Variants in AQP5 observed in about 807,000 individuals in gnomAD.
The protein encoded by AQP5 is aquaporin-5.
Under a neutral mutation model 19.1 loss-of-function variants are expected in AQP5, and 15 were observed. That is an observed-to-expected ratio of 0.79 (90% CI 0.53 to 1.21). AQP5 has a LOEUF of 1.21. AQP5 is among the 50% of genes most tolerant of loss of function. The probability of loss-of-function intolerance (pLI) is 0.00; values close to 1 mark genes in which losing one functional copy is unlikely to be tolerated. For synonymous variants in AQP5, 182 were observed against 160.3 expected (o/e 1.14, Z -1.02); for missense variants, 355 against 357.1 (o/e 0.99, Z 0.05).
At position 49,962,079 on chromosome 12, in the gene AQP5, C is replaced by A; in HGVS notation, c.62C>A (p.Thr21Asn). ...LKAVFAEFLATLIFVFFGLGS... is the reference protein window; with the variant it reads ...LKAVFAEFLANLIFVFFGLGS... ...GCCGTGTTCGCAGAGTTCTTGGCCA[C>A]CCTCATCTTCGTCTTCTTTGGCCTG... The change falls in exon 1 of 4, where the codon ACC becomes AAC. Residue 21 changes from threonine to asparagine, a missense_variant. Coordinates refer to ENST00000293599, the MANE Select transcript of AQP5 (RefSeq NM_001651.4). The A allele has an allele frequency of 2.5e-6, 4 of 1,612,982 alleles. No homozygotes were observed. Among genetic ancestry groups the A allele is most frequent in the Non-Finnish European group, 3.4e-6 (4 of 1,179,330 alleles).
Position 49,965,445 on chromosome 12 carries a change from A to AG in AQP5, c.*271dup, listed in dbSNP as rs1947479934. The AG allele has an allele frequency of 3.0e-6, 1 of 333,226 alleles. No individual in the cohort carries two copies. Among genetic ancestry groups the AG allele is most frequent in the Non-Finnish European group, 5.4e-6 (1 of 184,480 alleles). The allele number at this position is 333,226 out of a possible 1,614,324, so 20.6% of individuals were successfully genotyped here. A position where few individuals can be genotyped will look rare whatever the true frequency, so the allele number is the denominator to read the frequency against. ...TGCAGTGCCAAGCTCACAGGCTGCA[A>AG]GGGCCAGGCCAGAAAAGGGCGGGCC... On this transcript the variant is annotated 3_prime_UTR_variant, in exon 4 of 4. Coordinates refer to ENST00000293599, the MANE Select transcript of AQP5 (RefSeq NM_001651.4).
intron 1 of AQP5, 100 bp from the exon 2 acceptor site, chr12:49,963,392 G>A: frequency 1.3e-6 from 2 of 1,497,724 alleles, no homozygotes; most frequent in South Asian, 1.3e-5. Context: ...CAGGTGCCAA[G>A]GTGCTCTAAG....
At chr12:49,962,724 G>A (rs1947443660) in intron 1 of AQP5, 1 of 244,112 alleles carries the variant, frequency 4.1e-6, no homozygotes, top group Non-Finnish European at 8.0e-6. Flanking sequence ...CAGTGGAGCG[G>A]TTGAGTAGAA....
intron 2 of AQP5, 53 bp from the exon 3 acceptor site, chr12:49,964,039 G>A (rs1947459005): frequency 2.0e-6 from 3 of 1,533,264 alleles, no homozygotes; most frequent in Non-Finnish European, 2.7e-6. Flanking sequence ...TCCAGATTCT[G>A]TGGGAGTGGA....
At position 49,963,878 on chromosome 12, in the gene AQP5, G is replaced by C. The variant is rs146238229; in HGVS notation, c.529-214G>C. 6 of 781,580 alleles carry C rather than the reference G, an allele frequency of 7.7e-6. No homozygotes were observed. The African/African-American group carries it at 1.0e-4, about 14-fold the overall frequency. 48.4% of individuals were successfully genotyped at this position (781,580 alleles called of 1,614,324 possible). ...GTAAGTAGGAGGTGGGATGGGACAG[G>C]AATCAAACCCAACCTCAGAGCAGAG... On this transcript the variant is annotated intron_variant, in intron 2 of 3. Coordinates refer to ENST00000293599, the MANE Select transcript of AQP5 (RefSeq NM_001651.4).
Position 49,965,310 on chromosome 12 carries a change from C to A in AQP5, c.*133C>A. 8.7e-7 allele frequency: 1 copy of A among 1,144,894 alleles called. No homozygotes were observed. The highest frequency in any genetic ancestry group is 1.2e-6 in the Non-Finnish European group (1 of 837,026). 70.9% of individuals were successfully genotyped at this position (1,144,894 alleles called of 1,614,324 possible). A position where few individuals can be genotyped will look rare whatever the true frequency, so the allele number is the denominator to read the frequency against. On this transcript the variant is annotated 3_prime_UTR_variant, in exon 4 of 4. Transcript: ENST00000293599. Reference sequence around the variant, plus strand: ...GAGGAGGAGCTGGTCACCCTGGCTGCACAGTTAGAGAGGGGAGAAGGAACC... The same window carrying A: ...GAGGAGGAGCTGGTCACCCTGGCTGAACAGTTAGAGAGGGGAGAAGGAACC...
At chr12:49,962,430 G>A in intron 1 of AQP5, 50 bp downstream of exon 1, 1 of 1,373,566 alleles carries the variant, frequency 7.3e-7, no homozygotes, top group South Asian at 1.4e-5. Flanking sequence ...GGTGGGCTCA[G>A]GACCAGGCCT....
At position 49,964,917 on chromosome 12, in the gene AQP5, C is replaced by T. The variant is rs552867654; in HGVS notation, c.613-75C>T. On this transcript the variant is annotated intron_variant, in intron 3 of 3. Transcript: ENST00000293599. ...CTCCTCTCAGGGTCCGTGGGTCTGTCCTCTGTGGGGTGGGGGGCATGTGGT... is the reference window on the plus strand; with the variant it reads ...CTCCTCTCAGGGTCCGTGGGTCTGTTCTCTGTGGGGTGGGGGGCATGTGGT... The T allele has an allele frequency of 9.4e-5, 145 of 1,549,416 alleles. No homozygotes were observed. The African/African-American group carries it at 1.6e-3, about 17-fold the overall frequency.
chr12:49,965,075 G>A lies in AQP5; in HGVS notation c.696G>A (p.Leu232=), dbSNP rs745781737. 4 of 1,614,098 alleles carry A rather than the reference G, an allele frequency of 2.5e-6. No individual in the cohort carries two copies. The Admixed American group carries it at 5.0e-5, about 20-fold the overall frequency. The part of the protein sequence containing the change: ...FYLLFPNSLS[L]SERVAIIKGT... ...TGCTCTTCCCCAACTCCCTGAGCCT[G>A]AGTGAGCGTGTGGCCATCATCAAAG... The change falls in exon 4 of 4, where the codon CTG becomes CTA. Residue 232 remains leucine, a synonymous_variant. Coordinates refer to ENST00000293599, the MANE Select transcript of AQP5 (RefSeq NM_001651.4).
At chr12:49,964,513 G>A (rs1161503521) in intron 3 of AQP5, 5 of 452,526 alleles carry the variant, frequency 1.1e-5, no homozygotes, top group Non-Finnish European at 1.5e-5. Context: ...GGTCCTCTCT[G>A]ATGTTTTATT....
At chr12:49,962,560 C>A in intron 1 of AQP5, 180 bp downstream of exon 1, 1 of 764,858 alleles carries the variant, frequency 1.3e-6, no homozygotes, top group Non-Finnish European at 1.9e-6. Context: ...TGCTCCCTTC[C>A]TGCCCACCTC....
chr12:49,963,515 C>T lies in AQP5; in HGVS notation c.387C>T (p.Gly129=). 1 of 1,613,894 alleles carries T rather than the reference C, an allele frequency of 6.2e-7. No individual in the cohort carries two copies. The highest frequency in any genetic ancestry group is 8.5e-7 in the Non-Finnish European group (1 of 1,180,014). The change falls in exon 2 of 4, where the codon GGC becomes GGT. Residue 129 remains glycine, a synonymous_variant. Coordinates refer to ENST00000293599, the MANE Select transcript of AQP5 (RefSeq NM_001651.4). The stretch of plus-strand genomic sequence containing the variant: ...AGCTCAACAACAACACAACGCAGGG[C>T]CAGGCCATGGTGGTGGAGCTGATTC... ...VNALNNNTTQ[G]QAMVVELILT... is the part of the protein sequence containing the mutation.
At position 49,961,913 on chromosome 12, in the gene AQP5, C is replaced by T. The variant is rs1218501059; in HGVS notation, c.-105C>T. The T allele has an allele frequency of 6.3e-6, 4 of 633,618 alleles. No homozygotes were observed. The Admixed American group carries it at 2.1e-4, about 34-fold the overall frequency. The allele number at this position is 633,618 out of a possible 1,614,324, so 39.2% of individuals were successfully genotyped here. A position where few individuals can be genotyped will look rare whatever the true frequency, so the allele number is the denominator to read the frequency against. On this transcript the variant is annotated 5_prime_UTR_variant, in exon 1 of 4. Transcript: ENST00000293599. ...AGTGGGCGCGGGACAGTGCGCGGCG[C>T]CCCGCAGCCAGGCCCCCGCCCCCGC...
Position 49,965,470 on chromosome 12 carries a change from C to A in AQP5, c.*293C>A. The A allele has an allele frequency of 3.9e-6, 1 of 254,596 alleles. No individual in the cohort carries two copies. Among genetic ancestry groups the A allele is most frequent in the South Asian group, 1.1e-4 (1 of 9,088 alleles). The allele number at this position is 254,596 out of a possible 1,614,324, so 15.8% of individuals were successfully genotyped here. ...AGGGCCAGGCCAGAAAAGGGCGGGC[C>A]TGCAGCCTGCACCCCCCACCTTCCC... On this transcript the variant is annotated 3_prime_UTR_variant, in exon 4 of 4. Transcript: ENST00000293599.
At chr12:49,964,945 T>C (rs1947473215) in intron 3 of AQP5, 47 bp from the exon 4 acceptor site, 1 of 1,577,002 alleles carries the variant, frequency 6.3e-7, no homozygotes, top group Non-Finnish European at 8.6e-7. Flanking sequence ...CATGTGGTCT[T>C]CAAGGTCTGG....
chr12:49,962,582 C>A, intron 1 of AQP5: 1 of 676,654 alleles, frequency 1.5e-6, no homozygotes, highest in South Asian at 2.3e-5. Context: ...TCTCCCCCTC[C>A]CCTCATGCTG....
In AQP5 at chr12:49,963,528, G is replaced by C. The variant is rs142666049; in HGVS notation, c.400G>C (p.Val134Leu). ...CACAACGCAGGGCCAGGCCATGGTG[G>C]TGGAGCTGATTCTGACCTTCCAGCT... ...NNTTQGQAMV[V>L]ELILTFQLAL... is the part of the protein sequence containing the mutation. Residue 134 changes from valine (V) to leucine (L), a missense_variant, in exon 2 of 4, where the codon GTG becomes CTG. Coordinates refer to ENST00000293599, the MANE Select transcript of AQP5 (RefSeq NM_001651.4). 1.6e-5 allele frequency: 26 copies of C among 1,613,814 alleles called. No homozygotes were observed. In the African/African-American group the frequency reaches 3.5e-4, roughly 22 times the overall value.
At chr12:49,964,797 C>T in intron 3 of AQP5, 195 bp from the exon 4 acceptor site, 1 of 985,350 alleles carries the variant, frequency 1.0e-6, no homozygotes. Context: ...GTCTGTGGTC[C>T]ATGTCTCTGT....
chr12:49,962,330 C>A lies in AQP5; in HGVS notation c.313C>A (p.Leu105Ile). The A allele has an allele frequency of 1.2e-6, 2 of 1,606,304 alleles. No homozygotes were observed. Among genetic ancestry groups the A allele is most frequent in the Non-Finnish European group, 1.7e-6 (2 of 1,179,740 alleles). ...GGGCGCCATTGCCGGGGCTGGCATC[C>A]TCTACGGTGTGGCACCGCTCAATGC... ...LVGAIAGAGILYGVAPLNARG... is the reference protein window; with the variant it reads ...LVGAIAGAGIIYGVAPLNARG... The change falls in exon 1 of 4, where the codon CTC (leucine) becomes ATC (isoleucine). Residue 105 changes from leucine (L) to isoleucine (I), a missense_variant. By Grantham distance (5) the Leu-to-Ile change is conservative. Transcript: ENST00000293599.
Sources: allele counts gnomAD v4.1 joint callset, GRCh38; gene constraint gnomAD v4.1.1; transcripts MANE v1.5; gene names NCBI Gene and HGNC (gene_info 2026-07-23, HGNC 2026-07-21).